Variants in FSTL5 observed in about 807,000 individuals in gnomAD.
FSTL5 encodes the protein follistatin like 5, also known as follistatin-related protein 5.
Under a neutral mutation model 89.1 loss-of-function variants are expected in FSTL5, and 62 were observed. The ratio of observed to expected loss-of-function variants is 0.70; its 90% CI spans 0.57 to 0.86. The LOEUF (loss-of-function observed/expected upper bound fraction) is 0.86, where lower values mean the gene tolerates loss of function less well. FSTL5 is among the 40% of genes least tolerant of loss of function. FSTL5 has a pLI of 0.00. For missense variants in FSTL5, 1,057 were observed against 1,001.6 expected, an observed-to-expected ratio of 1.06 and a Z score of -0.75; for synonymous variants, 383 against 346.2, an observed-to-expected ratio of 1.11 and a Z score of -1.18.
chr4:161,410,268 A>C (rs1004653919), intron 15 of FSTL5, among the ~76,000 whole-genome samples: 1 of 152,158 alleles, frequency 6.6e-6, no homozygotes, highest in South Asian at 2.1e-4. Context: ...AGCCAACCAC[A>C]TGATAAGAGT....
At chr4:162,059,663 G>A (rs12186179) in intron 2 of FSTL5, among the ~76,000 whole-genome samples, 97,173 of 151,906 alleles carry the variant, frequency 0.64, 31,835 homozygotes, top group East Asian at 0.79. Flanking sequence ...AAGTCCAAAG[G>A]CACAGTGGAA....
chr4:161,930,032 T>G (rs1734244276), intron 3 of FSTL5, among the ~76,000 whole-genome samples: 1 of 151,818 alleles, frequency 6.6e-6, no homozygotes, highest in Non-Finnish European at 1.5e-5. Context: ...AATAGTTGCC[T>G]TAACATCAGT....
At chr4:162,053,428 TAGACTCATGCCTCAC>T (rs1468482871) in intron 2 of FSTL5, among the ~76,000 whole-genome samples, 1 of 151,828 alleles carries the variant, frequency 6.6e-6, no homozygotes, top group Non-Finnish European at 1.5e-5. Context: ...ATCTGTGTCC[TAGACTCATGCCTCAC>T]AAAATTCTCA....
At chr4:161,960,435 C>T (rs1455277436) in intron 3 of FSTL5, among the ~76,000 whole-genome samples, 2 of 151,874 alleles carry the variant, frequency 1.3e-5, no homozygotes, top group Non-Finnish European at 2.9e-5. Context: ...CTTGGCCTCC[C>T]AAAGTGCTGG....
chr4:161,659,456 T>C (rs993212978), intron 6 of FSTL5, among the ~76,000 whole-genome samples: 5 of 152,186 alleles, frequency 3.3e-5, no homozygotes, highest in African/African-American at 9.6e-5. Flanking sequence ...TGTCTTGTGA[T>C]AGTTATTAAG....
At chr4:161,735,930 A>T (rs78729498) in intron 6 of FSTL5, among the ~76,000 whole-genome samples, 22 of 151,884 alleles carry the variant, frequency 1.4e-4, no homozygotes, top group African/African-American at 4.6e-4. Context: ...ACAACTTTAT[A>T]AAAAAAAGAG....
intron 6 of FSTL5, among the ~76,000 whole-genome samples, chr4:161,721,839 G>A (rs1443760752): frequency 6.6e-6 from 1 of 152,152 alleles, no homozygotes; most frequent in Non-Finnish European, 1.5e-5. Context: ...CTTTGGTAAA[G>A]ATTATACAAG....
intron 4 of FSTL5, among the ~76,000 whole-genome samples, chr4:161,803,022 T>A (rs1729846429): frequency 6.6e-6 from 1 of 151,932 alleles, no homozygotes; most frequent in Admixed American, 6.6e-5. Flanking sequence ...GTTCTTGTTT[T>A]AAAAATTTAA....
intron 2 of FSTL5, among the ~76,000 whole-genome samples, chr4:162,086,481 T>C (rs1407919434): frequency 6.6e-6 from 1 of 151,968 alleles, no homozygotes; most frequent in African/African-American, 2.4e-5. Context: ...AAACCTTCAG[T>C]TCTGGCATAA....
intron 4 of FSTL5, among the ~76,000 whole-genome samples, chr4:161,796,073 G>A (rs1729624277): frequency 1.3e-5 from 2 of 151,894 alleles, no homozygotes; most frequent in Non-Finnish European, 1.5e-5. Flanking sequence ...TGAGGAAATA[G>A]TTTAAAATGT....
chr4:162,093,147 T>G (rs1329695855), intron 2 of FSTL5, among the ~76,000 whole-genome samples: 1 of 151,938 alleles, frequency 6.6e-6, no homozygotes, highest in Non-Finnish European at 1.5e-5. Context: ...TGAGATAAAC[T>G]AGAATGGCAA....
intron 7 of FSTL5, among the ~76,000 whole-genome samples, chr4:161,651,332 A>G (rs982220782): frequency 6.9e-5 from 6 of 86,734 alleles, no homozygotes; most frequent in African/African-American, 1.6e-4. Context: ...CCTTGAATTG[A>G]AAAAAAAAAA....
chr4:161,765,970 T>G (rs1178930908), intron 5 of FSTL5, among the ~76,000 whole-genome samples: 3 of 152,050 alleles, frequency 2.0e-5, no homozygotes, highest in Non-Finnish European at 4.4e-5. Flanking sequence ...AATTTTTGTA[T>G]TTTTAGTAGA....
chr4:161,998,369 C>A (rs1040603602), intron 3 of FSTL5, among the ~76,000 whole-genome samples: 1 of 152,152 alleles, frequency 6.6e-6, no homozygotes, highest in Non-Finnish European at 1.5e-5. Context: ...GTACCCCTAT[C>A]TCTCAGTCTC....
At chr4:161,596,923 G>A (rs1734033076) in intron 7 of FSTL5, among the ~76,000 whole-genome samples, 1 of 152,044 alleles carries the variant, frequency 6.6e-6, no homozygotes, top group African/African-American at 2.4e-5. Context: ...GTAGATTCTG[G>A]ATATTAGCCC....
intron 15 of FSTL5, among the ~76,000 whole-genome samples, chr4:161,430,461 C>T (rs1488781680): frequency 2.0e-5 from 3 of 152,304 alleles, no homozygotes; most frequent in Non-Finnish European, 2.9e-5. Context: ...CAACTCCTGG[C>T]CAGGTGTGGT....
chr4:161,695,453 G>GTGTA (rs769170988), intron 6 of FSTL5, among the ~76,000 whole-genome samples: 4 of 134,966 alleles, frequency 3.0e-5, no homozygotes, highest in African/African-American at 9.3e-5. Context: ...GTGTGTGTGT[G>GTGTA]TATATATATC....
intron 15 of FSTL5, among the ~76,000 whole-genome samples, chr4:161,399,515 A>G (rs1464343565): frequency 6.6e-6 from 1 of 152,108 alleles, no homozygotes; most frequent in East Asian, 1.9e-4. Flanking sequence ...GCAGGCAACC[A>G]CATCTGTAGA....
At chr4:161,792,019 C>A (rs1450338197) in intron 4 of FSTL5, among the ~76,000 whole-genome samples, 2 of 152,262 alleles carry the variant, frequency 1.3e-5, no homozygotes, top group East Asian at 3.9e-4. Context: ...GCTACAGTCA[C>A]CCAGCTGCAG....
Sources: gnomAD v4.1 joint callset for allele counts (sites outside exome capture counted in the v4.1 genomes callset) on GRCh38, gnomAD v4.1.1 for gene constraint, MANE v1.5 for transcripts, NCBI Gene and HGNC (gene_info 2026-07-23, HGNC 2026-07-21) for gene names.